Variants in GPHN observed in about 807,000 individuals in gnomAD.
GPHN encodes the protein gephyrin.
Under a neutral mutation model 95.5 loss-of-function variants are expected in GPHN, and 17 were observed. The observed-to-expected ratio is 0.18, with a 90% CI of 0.12 to 0.27. The LOEUF is 0.27. Ranked by LOEUF, GPHN falls within the 10% of genes least tolerant of loss-of-function variation. The probability of loss-of-function intolerance (pLI) is 1.00; values close to 1 mark genes in which losing one functional copy is unlikely to be tolerated. For synonymous variants in GPHN, 320 were observed against 322.5 expected (o/e 0.99, Z 0.08); for missense variants, 660 against 978.1 (o/e 0.67, Z 4.34).
chr14:66,694,733 C>G lies in GPHN; in HGVS notation c.143+13548C>G, dbSNP rs73287832. On this transcript the variant is annotated intron_variant, in intron 2 of 22. Transcript: ENST00000478722. ...AAGCTGGGCTTCATTAAAAACTCTG[C>G]TCTACAAACACAATGCCATGAAATG... Among the ~76,000 whole-genome samples, 1,139 of 152,306 alleles carry G rather than the reference C, an allele frequency of 7.5e-3. 17 individuals carry two copies. Among genetic ancestry groups the G allele is most frequent in the African/African-American group, 0.026 (1,084 of 41,562 alleles).
intron 1 of GPHN, among the ~76,000 whole-genome samples, chr14:66,525,610 G>T (rs546609633): frequency 6.6e-6 from 1 of 152,236 alleles, no homozygotes; most frequent in Non-Finnish European, 1.5e-5. Flanking sequence ...TTCTTCTAGG[G>T]TTTTTATGGT....
At chr14:67,295,233 C>A in the GPHN span, among the ~76,000 whole-genome samples, 17 of 151,494 alleles carry the variant, frequency 1.1e-4, no homozygotes, top group African/African-American at 4.1e-4. Flanking sequence ...GCCTGTAATC[C>A]CAGCATTTTG....
the GPHN span, among the ~76,000 whole-genome samples, chr14:67,702,913 A>C: frequency 6.6e-6 from 1 of 152,234 alleles, no homozygotes; most frequent in Non-Finnish European, 1.5e-5. Context: ...TCCCAGGCTC[A>C]AGTGATTCTC....
intron 1 of GPHN, among the ~76,000 whole-genome samples, chr14:66,627,380 A>C (rs898578497): frequency 1.3e-5 from 2 of 150,892 alleles, no homozygotes; most frequent in Non-Finnish European, 3.0e-5. Flanking sequence ...CCCCGCCCCC[A>C]ACATTGTTTC....
the GPHN span, among the ~76,000 whole-genome samples, chr14:67,410,167 G>T: frequency 6.4e-4 from 97 of 152,172 alleles, 1 homozygote; most frequent in East Asian, 0.019. Context: ...GTGATATCCT[G>T]GGAGCTCTGT....
chr14:67,309,447 G>A, the GPHN span, among the ~76,000 whole-genome samples: 1 of 152,136 alleles, frequency 6.6e-6, no homozygotes, highest in Non-Finnish European at 1.5e-5. Context: ...GAAAGTAAGA[G>A]CTTTTTCTCT....
At chr14:67,553,027 C>T in the GPHN span, among the ~76,000 whole-genome samples, 1 of 152,246 alleles carries the variant, frequency 6.6e-6, no homozygotes, top group Non-Finnish European at 1.5e-5. Context: ...TGACTTATCA[C>T]TCTTGACCCA....
intron 8 of GPHN, among the ~76,000 whole-genome samples, chr14:66,962,094 C>T (rs565119490): frequency 6.6e-6 from 1 of 150,388 alleles, no homozygotes; most frequent in East Asian, 1.9e-4. Flanking sequence ...TTCCTTACCT[C>T]CAGTTTTTTT....
chr14:66,680,991 G>T, intron 1 of GPHN, 116 bp from the exon 2 acceptor site: 1 of 646,398 alleles, frequency 1.5e-6, no homozygotes, highest in South Asian at 1.7e-5. Context: ...TAATGTTTGG[G>T]GAAAAATGAA....
intron 1 of GPHN, among the ~76,000 whole-genome samples, chr14:66,564,129 A>G (rs1482883743): frequency 6.6e-6 from 1 of 152,098 alleles, no homozygotes; most frequent in Non-Finnish European, 1.5e-5. Flanking sequence ...TTATTAAATT[A>G]TAGGGAGATT....
At chr14:66,742,030 C>A (rs1448978928) in intron 2 of GPHN, among the ~76,000 whole-genome samples, 1 of 152,172 alleles carries the variant, frequency 6.6e-6, no homozygotes, top group Non-Finnish European at 1.5e-5. Context: ...CCAAGGGATA[C>A]ATGTCAAACG....
chr14:67,373,498 A>T, the GPHN span, among the ~76,000 whole-genome samples: 3 of 152,224 alleles, frequency 2.0e-5, no homozygotes, highest in Non-Finnish European at 4.4e-5. Context: ...GGAATTTCCT[A>T]ATCTGATAAA....
chr14:67,198,365 A>T, the GPHN span: 9 of 1,545,638 alleles, frequency 5.8e-6, no homozygotes, highest in Non-Finnish European at 8.0e-6. Flanking sequence ...TAACTTCAGT[A>T]ATTTTCTCAA....
At chr14:67,070,493 C>T (rs1053913454) in intron 11 of GPHN, among the ~76,000 whole-genome samples, 1 of 149,412 alleles carries the variant, frequency 6.7e-6, no homozygotes, top group South Asian at 2.1e-4. Context: ...GTCAGGAGTT[C>T]GAGGCCAGCC....
chr14:67,441,685 G>A, the GPHN span, among the ~76,000 whole-genome samples: 219 of 148,620 alleles, frequency 1.5e-3, 1 homozygote, highest in Middle Eastern at 0.011. Context: ...CATGGTGGGC[G>A]GGCCTCATCC....
intron 3 of GPHN, among the ~76,000 whole-genome samples, chr14:66,812,846 C>A (rs2060815798): frequency 6.6e-6 from 1 of 151,962 alleles, no homozygotes; most frequent in Non-Finnish European, 1.5e-5. Flanking sequence ...ATTAATGTAT[C>A]CATGCATGTT....
chr14:67,250,608 C>A, the GPHN span, among the ~76,000 whole-genome samples: 1 of 152,252 alleles, frequency 6.6e-6, no homozygotes, highest in Admixed American at 6.5e-5. Context: ...ACTGTTCATA[C>A]AATATGCAGG....
chr14:67,049,211 TTTGTTGTTG>T (rs139585227), intron 10 of GPHN, among the ~76,000 whole-genome samples: 262 of 150,946 alleles, frequency 1.7e-3, no homozygotes, highest in African/African-American at 5.7e-3. Flanking sequence ...GCTGATTAAG[TTTGTTGTTG>T]TTGTTGTTGT....
the GPHN span, chr14:67,387,322 G>T: frequency 1.2e-6 from 2 of 1,608,410 alleles, no homozygotes; most frequent in Non-Finnish European, 8.5e-7. Flanking sequence ...GTTCCCTCAG[G>T]TCCTTGTCAT....
Sources: gnomAD v4.1 joint callset for allele counts (sites outside exome capture counted in the v4.1 genomes callset) on GRCh38, gnomAD v4.1.1 for gene constraint, MANE v1.5 for transcripts, NCBI Gene and HGNC (gene_info 2026-07-23, HGNC 2026-07-21) for gene names.